Variants in L2HGDH observed in about 807,000 individuals in gnomAD.
L2HGDH encodes L-2-hydroxyglutarate dehydrogenase.
In L2HGDH, 34 loss-of-function variants were observed where a neutral mutation model predicts 51.5. The ratio of observed to expected loss-of-function variants is 0.66; its 90% CI spans 0.50 to 0.88. The LOEUF is 0.88. Ranked by LOEUF, L2HGDH falls within the 40% of genes least tolerant of loss-of-function variation. L2HGDH has a pLI of 0.00. For synonymous variants in L2HGDH, 198 were observed against 197.9 expected, an observed-to-expected ratio of 1.00 and a Z score of -0.01; for missense variants, 558 against 571.9, an observed-to-expected ratio of 0.98 and a Z score of 0.25.
chr14:50,280,001 A>G (rs1890173827), intron 5 of L2HGDH, among the ~76,000 whole-genome samples: 1 of 149,474 alleles, frequency 6.7e-6, no homozygotes, highest in Admixed American at 6.7e-5. Context: ...CAGAGATTGG[A>G]GTGAGCCAAG....
In L2HGDH at chr14:50,245,635, T is replaced by C. The variant is rs188026781; in HGVS notation, c.*1423A>G. 8.2e-6 allele frequency: 8 copies of C among 980,518 alleles called. No individual in the cohort carries two copies. The East Asian group carries it at 8.0e-4, about 97-fold the overall frequency. The allele number at this position is 980,518 out of a possible 1,614,324, so 60.7% of individuals were successfully genotyped here. ...CTAAATAATGTGAGTTTTGTGACTCTTCAAAATTAAAAGAATGTAACCTAC... is the reference window on the plus strand; with the variant it reads ...CTAAATAATGTGAGTTTTGTGACTCCTCAAAATTAAAAGAATGTAACCTAC... On this transcript the variant is annotated 3_prime_UTR_variant, in exon 10 of 10. Transcript: ENST00000267436.
intron 6 of L2HGDH, among the ~76,000 whole-genome samples, chr14:50,271,227 T>C (rs770321324): frequency 2.0e-5 from 3 of 152,266 alleles, no homozygotes; most frequent in Non-Finnish European, 4.4e-5. Flanking sequence ...ATGAGAAGTA[T>C]TTTTGTGATA....
At chr14:50,248,353 A>T (rs576404615) in intron 9 of L2HGDH, among the ~76,000 whole-genome samples, 2 of 152,372 alleles carry the variant, frequency 1.3e-5, no homozygotes, top group African/African-American at 4.8e-5. Context: ...TCAGATAAGT[A>T]CTTGCAGAAG....
intron 6 of L2HGDH, 119 bp downstream of exon 6, chr14:50,278,401 C>G: frequency 2.3e-6 from 1 of 438,828 alleles, no homozygotes; most frequent in Non-Finnish European, 3.9e-6. Flanking sequence ...GAAATTCTCT[C>G]AGAATTACAT....
intron 6 of L2HGDH, among the ~76,000 whole-genome samples, 172 bp from the exon 7 acceptor site, chr14:50,269,502 A>G (rs570552638): frequency 2.6e-5 from 4 of 152,350 alleles, no homozygotes; most frequent in African/African-American, 9.6e-5. Flanking sequence ...GGTGGCAGCT[A>G]GAAACTTAGG....
chr14:50,307,005 G>A (rs950844959), intron 1 of L2HGDH, among the ~76,000 whole-genome samples: 9 of 151,974 alleles, frequency 5.9e-5, no homozygotes, highest in African/African-American at 2.2e-4. Flanking sequence ...TACTAGAGAC[G>A]AGGTTTCACC....
chr14:50,271,013 G>A (rs977058681), intron 6 of L2HGDH, among the ~76,000 whole-genome samples: 2 of 152,182 alleles, frequency 1.3e-5, no homozygotes, highest in Admixed American at 6.5e-5. Flanking sequence ...CAAAAGGGCT[G>A]TCAAGATCTT....
chr14:50,298,265 C>A (rs1470449169), intron 3 of L2HGDH, among the ~76,000 whole-genome samples: 1 of 151,524 alleles, frequency 6.6e-6, no homozygotes, highest in African/African-American at 2.4e-5. Context: ...GAAAAATTAG[C>A]CAGGCATGGT....
At chr14:50,268,553 A>C (rs947597884) in intron 7 of L2HGDH, among the ~76,000 whole-genome samples, 1 of 152,152 alleles carries the variant, frequency 6.6e-6, no homozygotes. Context: ...GAGCTGCCAG[A>C]AAAAAATACA....
chr14:50,291,147 G>A (rs921759530), intron 4 of L2HGDH, among the ~76,000 whole-genome samples: 40 of 116,474 alleles, frequency 3.4e-4, no homozygotes, highest in Non-Finnish European at 5.9e-4. Flanking sequence ...GCAGTGAGCC[G>A]AAATTGTGCC....
intron 8 of L2HGDH, among the ~76,000 whole-genome samples, chr14:50,265,906 C>T (rs114475843): frequency 0.01 from 1,539 of 151,118 alleles, 23 homozygotes; most frequent in African/African-American, 0.035. Flanking sequence ...AGAGAGAGAC[C>T]CTCTCTCAAT....
chr14:50,245,459 C>A lies in L2HGDH; in HGVS notation c.*1599G>T. ...CCATACCACATCAGTTACAAAGAGA[C>A]TGGAAATAATAAAGGCTTTGAGTTT... On this transcript the variant is annotated 3_prime_UTR_variant, in exon 10 of 10. Transcript: ENST00000267436. 2 of 984,230 alleles carry A rather than the reference C, an allele frequency of 2.0e-6. No individual in the cohort carries two copies. The highest frequency in any genetic ancestry group is 2.4e-6 in the Non-Finnish European group (2 of 828,914). 61.0% of individuals were successfully genotyped at this position (984,230 alleles called of 1,614,324 possible). A position where few individuals can be genotyped will look rare whatever the true frequency, so the allele number is the denominator to read the frequency against.
chr14:50,290,243 G>A (rs1317530492), intron 4 of L2HGDH, among the ~76,000 whole-genome samples: 1 of 151,864 alleles, frequency 6.6e-6, no homozygotes, highest in African/African-American at 2.4e-5. Flanking sequence ...CTCCAGCCTG[G>A]GTGACAGAGT....
chr14:50,284,589 A>G (rs889637964), intron 4 of L2HGDH, among the ~76,000 whole-genome samples: 8 of 152,228 alleles, frequency 5.3e-5, no homozygotes, highest in Non-Finnish European at 1.2e-4. Context: ...TTTTTTTAGA[A>G]TAAATGTTGA....
At chr14:50,311,659 G>C (rs1244701453) in intron 1 of L2HGDH, among the ~76,000 whole-genome samples, 2 of 152,198 alleles carry the variant, frequency 1.3e-5, no homozygotes, top group Non-Finnish European at 2.9e-5. Context: ...CTGTGTGCTA[G>C]GTCCTTTTAT....
Position 50,247,003 on chromosome 14 carries a change from T to C in L2HGDH, c.*55A>G. The C allele has an allele frequency of 6.3e-7, 1 of 1,580,504 alleles. No individual in the cohort carries two copies. Among genetic ancestry groups the C allele is most frequent in the Non-Finnish European group, 8.6e-7 (1 of 1,158,250 alleles). ...TTTTTAAATTAAAGAATGCAATTAG[T>C]ACATTCTTGTTGCTGACATGAAGAT... On this transcript the variant is annotated 3_prime_UTR_variant, in exon 10 of 10. Transcript: ENST00000267436.
intron 9 of L2HGDH, among the ~76,000 whole-genome samples, chr14:50,252,640 T>C (rs1013902662): frequency 1.6e-4 from 25 of 152,008 alleles, no homozygotes; most frequent in African/African-American, 5.6e-4. Context: ...AATAGCTATA[T>C]TGATATCAGA....
Position 50,270,067 on chromosome 14 carries a change from C to T in L2HGDH, c.739-737G>A, listed in dbSNP as rs73275127. On this transcript the variant is annotated intron_variant, in intron 6 of 9. Coordinates refer to ENST00000267436, the MANE Select transcript of L2HGDH (RefSeq NM_024884.3). ...CCTGCCCAGTTGCAACTGTAACCTA[C>T]CCACCAAGCAATTTCTCCTTCCTAA... is the stretch of plus-strand genomic sequence containing the variant. Among the ~76,000 whole-genome samples, 204 of 152,264 alleles carry T rather than the reference C, an allele frequency of 1.3e-3. 2 individuals are homozygous for T. Among genetic ancestry groups the T allele is most frequent in the African/African-American group, 4.6e-3 (192 of 41,528 alleles).
At chr14:50,306,634 T>TA (rs1396580064) in intron 1 of L2HGDH, among the ~76,000 whole-genome samples, 1 of 148,244 alleles carries the variant, frequency 6.7e-6, no homozygotes, top group Admixed American at 6.8e-5. Flanking sequence ...GACTAGTGAT[T>TA]AAATGTTGAT....
Sources: gnomAD v4.1 joint callset for allele counts (sites outside exome capture counted in the v4.1 genomes callset) on GRCh38, gnomAD v4.1.1 for gene constraint, MANE v1.5 for transcripts, NCBI Gene and HGNC (gene_info 2026-07-23, HGNC 2026-07-21) for gene names.